Variants in DMD observed in about 807,000 individuals in gnomAD.
DMD encodes the protein mutant dystrophin.
Under a neutral mutation model 330.1 loss-of-function variants are expected in DMD, and 63 were observed. That is an observed-to-expected ratio of 0.19 (90% CI 0.16 to 0.24). DMD has a LOEUF of 0.24. DMD is among the 10% of genes least tolerant of loss of function. The pLI, the probability that DMD is intolerant of heterozygous loss-of-function variation, is 1.00. For missense variants in DMD, 3,344 were observed against 2,684.1 expected (o/e 1.25, Z -5.43); for synonymous variants, 1,223 against 959.8 (o/e 1.27, Z -5.07).
intron 37 of DMD, among the ~76,000 whole-genome samples, chrX:32,355,268 T>C (rs758814901): frequency 1.7e-4 from 19 of 111,158 alleles, no homozygotes; most frequent in African/African-American, 5.2e-4. Flanking sequence ...TGAGTCAGTG[T>C]ATTGAAGTGG....
chrX:32,231,580 A>G lies in DMD; in HGVS notation c.6291-14517T>C, dbSNP rs756317895. On this transcript the variant is annotated intron_variant, in intron 43 of 78. Coordinates refer to ENST00000357033, the MANE Select transcript of DMD (RefSeq NM_004006.3). ...AGACCACACTTACAAATACATAAAT[A>G]AAACTGAAACAATTCACTTTTTACT... 4.5e-5 allele frequency among the ~76,000 whole-genome samples: 5 copies of G among 112,032 alleles called. No individual in the cohort carries two copies. In the South Asian group the frequency reaches 1.8e-3, roughly 41 times the overall value.
intron 7 of DMD, among the ~76,000 whole-genome samples, chrX:32,751,941 A>C (rs1053014919): frequency 2.7e-5 from 3 of 112,987 alleles, no homozygotes; most frequent in African/African-American, 9.6e-5. Flanking sequence ...GCAGGTGCAC[A>C]GAAGTCAAGA....
chrX:32,252,667 T>TATATATATAAATATATATATAA (rs1276231192), intron 43 of DMD, among the ~76,000 whole-genome samples: 2 of 40,746 alleles, frequency 4.9e-5, no homozygotes, highest in Non-Finnish European at 7.6e-5. Flanking sequence ...TATATAAATA[T>TATATATATAAATATATATATAA]ATATATATAA....
At chrX:32,898,877 G>A (rs1168618639) in intron 2 of DMD, among the ~76,000 whole-genome samples, 1 of 111,549 alleles carries the variant, frequency 9.0e-6, no homozygotes, top group African/African-American at 3.3e-5. Context: ...GGCTTGCACA[G>A]AATTTTTAAT....
At chrX:31,163,382 T>C (rs1456977489) in intron 74 of DMD, among the ~76,000 whole-genome samples, 1 of 111,709 alleles carries the variant, frequency 9.0e-6, no homozygotes, top group Non-Finnish European at 1.9e-5. Context: ...TCTGCCATGA[T>C]TGTGAGGCCT....
At chrX:32,853,992 T>C (rs774444214) in intron 2 of DMD, among the ~76,000 whole-genome samples, 145 of 111,259 alleles carry the variant, frequency 1.3e-3, no homozygotes, top group African/African-American at 4.5e-3. Context: ...GATCAACATA[T>C]AATAAAGGAA....
At chrX:31,919,627 A>G (rs2149921076) in intron 47 of DMD, among the ~76,000 whole-genome samples, 1 of 112,528 alleles carries the variant, frequency 8.9e-6, no homozygotes, top group African/African-American at 3.2e-5. Flanking sequence ...TTATAAGTGC[A>G]ACATTCAGCT....
chrX:32,308,947 G>A (rs1460628637), intron 42 of DMD, among the ~76,000 whole-genome samples: 1 of 111,168 alleles, frequency 9.0e-6, no homozygotes, highest in Admixed American at 9.6e-5. Context: ...ATTCTGGCAT[G>A]TCAGCTTTAT....
chrX:33,087,627 T>G (rs912524680), intron 1 of DMD, among the ~76,000 whole-genome samples: 1 of 112,094 alleles, frequency 8.9e-6, no homozygotes, highest in Admixed American at 9.5e-5. Context: ...GAATCTTGTT[T>G]TTGCCATGTG....
intron 7 of DMD, among the ~76,000 whole-genome samples, chrX:32,722,725 T>G (rs1434942727): frequency 1.8e-5 from 2 of 111,451 alleles, no homozygotes; most frequent in African/African-American, 6.5e-5. Context: ...ATAGAATTTT[T>G]TAAAATTTTT....
intron 44 of DMD, among the ~76,000 whole-genome samples, chrX:32,042,026 CATATATATATATATATAT>C (rs57983190): frequency 0.017 from 693 of 40,463 alleles, 16 homozygotes; most frequent in African/African-American, 0.066. Context: ...TCTCTCTGTT[CATATATATATATATATAT>C]ATATATATAT....
At chrX:32,124,222 C>T (rs187285212) in intron 44 of DMD, among the ~76,000 whole-genome samples, 48 of 112,397 alleles carry the variant, frequency 4.3e-4, no homozygotes, top group African/African-American at 1.5e-3. Context: ...AATACCTCTA[C>T]GAAGTTGGCT....
At chrX:32,861,373 A>G (rs1439979245) in intron 2 of DMD, among the ~76,000 whole-genome samples, 1 of 111,365 alleles carries the variant, frequency 9.0e-6, no homozygotes, top group Non-Finnish European at 1.9e-5. Context: ...CCTAGCATAG[A>G]AAATGCTCAA....
chrX:32,621,871 A>C (rs2058023074), intron 11 of DMD, among the ~76,000 whole-genome samples: 1 of 111,504 alleles, frequency 9.0e-6, no homozygotes, highest in Non-Finnish European at 1.9e-5. Flanking sequence ...CTAGAAGTGC[A>C]AATTCAAAAC....
At position 31,848,600 on chromosome X, in the gene DMD, T is replaced by C. The variant is rs778514178; in HGVS notation, c.7099-11781A>G. ...TGTGTACCAGGTGTTAAGATCCTTA[T>C]GATACGAGGAGAGTTTGATTTTCTT... On this transcript the variant is annotated intron_variant, in intron 48 of 78. Coordinates refer to ENST00000357033, the MANE Select transcript of DMD (RefSeq NM_004006.3). Among the ~76,000 whole-genome samples the C allele has an allele frequency of 2.5e-3, 277 of 111,283 alleles. 1 individual carries two copies. Among genetic ancestry groups the C allele is most frequent in the African/African-American group, 8.5e-3 (262 of 30,722 alleles).
intron 7 of DMD, among the ~76,000 whole-genome samples, chrX:32,750,909 T>C (rs1326502252): frequency 1.8e-5 from 2 of 111,604 alleles, no homozygotes; most frequent in African/African-American, 3.3e-5. Flanking sequence ...CAAAATCTGA[T>C]GGCTTTGTAA....
chrX:31,293,927 A>C (rs2053965259), intron 62 of DMD, among the ~76,000 whole-genome samples: 1 of 111,910 alleles, frequency 8.9e-6, no homozygotes, highest in African/African-American at 3.2e-5. Flanking sequence ...ATGCCAAGGC[A>C]GGAGGATCGC....
At chrX:31,347,630 T>C (rs1244848355) in intron 61 of DMD, among the ~76,000 whole-genome samples, 8 of 112,453 alleles carry the variant, frequency 7.1e-5, no homozygotes, top group Admixed American at 6.6e-4. Context: ...CATTCATCTG[T>C]TGATATACAC....
intron 20 of DMD, among the ~76,000 whole-genome samples, chrX:32,489,775 G>A (rs2148620706): frequency 8.9e-6 from 1 of 111,816 alleles, no homozygotes; most frequent in South Asian, 3.7e-4. Context: ...ATCGGATAAG[G>A]TAACATCAGA....
Sources: allele counts gnomAD v4.1 joint callset (sites outside exome capture counted in the v4.1 genomes callset), GRCh38; gene constraint gnomAD v4.1.1; transcripts MANE v1.5; gene names NCBI Gene and HGNC (gene_info 2026-07-23, HGNC 2026-07-21).